AMOTL1: variants seen among roughly 807,000 people sequenced by gnomAD.
AMOTL1 encodes the protein angiomotin like 1.
In AMOTL1, 45 loss-of-function variants were observed where a neutral mutation model predicts 102.9. The ratio of observed to expected loss-of-function variants is 0.44; its 90% CI spans 0.34 to 0.56. The LOEUF is 0.56. AMOTL1 is among the 20% of genes least tolerant of loss of function. AMOTL1 has a pLI of 0.01. For synonymous variants in AMOTL1, 481 were observed against 484.7 expected, an observed-to-expected ratio of 0.99 and a Z score of 0.10; for missense variants, 1,114 against 1,225.6, an observed-to-expected ratio of 0.91 and a Z score of 1.36.
intron 8 of AMOTL1, among the ~76,000 whole-genome samples, chr11:94,858,129 G>A (rs1344081240): frequency 1.3e-5 from 2 of 152,164 alleles, no homozygotes; most frequent in Non-Finnish European, 2.9e-5. Context: ...ATAGATGGCA[G>A]CTTAGTGAAT....
chr11:94,764,765 T>C (rs924611115), upstream of AMOTL1, among the ~76,000 whole-genome samples: 5 of 152,192 alleles, frequency 3.3e-5, no homozygotes, highest in African/African-American at 4.8e-5. Flanking sequence ...TTTAATAGAG[T>C]ATTTAAATTC....
rs760828820 is a variant in AMOTL1 at position 94,743,651 on chromosome 11, C to CTT, written c.136+2687_136+2688dup. Among the ~76,000 whole-genome samples, 185 of 98,156 alleles carry CTT rather than the reference C, an allele frequency of 1.9e-3. 12 individuals are homozygous for CTT. Among genetic ancestry groups the CTT allele is most frequent in the African/African-American group, 8.2e-3 (174 of 21,096 alleles). The allele number at this position is 98,156 out of a possible 152,430, so 64.4% of individuals were successfully genotyped here. On this transcript the variant is annotated intron_variant, in intron 3 of 4. Coordinates refer to the AMOTL1 transcript ENST00000299004. ...AATTATTTCTCTACTCACAATACTT[C>CTT]TTTTTTTTTTTTTTTTTTTTTTTTT...
At position 94,866,377 on chromosome 11, in the gene AMOTL1, A is replaced by C. The variant is rs1952883232; in HGVS notation, c.2488+209A>C. The C allele has an allele frequency of 2.0e-5, 12 of 594,852 alleles. No individual in the cohort carries two copies. In the South Asian group the frequency reaches 2.4e-4, roughly 12 times the overall value. The allele number at this position is 594,852 out of a possible 1,614,324, so 36.8% of individuals were successfully genotyped here. A position where few individuals can be genotyped will look rare whatever the true frequency, so the allele number is the denominator to read the frequency against. Reference sequence around the variant, plus strand: ...AGACTGCACCACTGGAGTAGCTCTTAGCCATGGGTTGACTCAGATCAGAAT... The same window carrying C: ...AGACTGCACCACTGGAGTAGCTCTTCGCCATGGGTTGACTCAGATCAGAAT... On this transcript the variant is annotated intron_variant, in intron 11 of 12. Coordinates refer to ENST00000433060, the MANE Select transcript of AMOTL1 (RefSeq NM_130847.3).
rs1282331240 is a variant in AMOTL1, at chr11:94,873,353, C to T, written c.*2558C>T. The T allele has an allele frequency of 1.3e-5, 2 of 152,298 alleles. No homozygotes were observed. The highest frequency in any genetic ancestry group is 3.4e-3 in the Middle Eastern group (1 of 294). The allele number at this position is 152,298 out of a possible 1,614,324, so 9.4% of individuals were successfully genotyped here. A position where few individuals can be genotyped will look rare whatever the true frequency, so the allele number is the denominator to read the frequency against. On this transcript the variant is annotated 3_prime_UTR_variant, in exon 13 of 13. Coordinates refer to ENST00000433060, the MANE Select transcript of AMOTL1 (RefSeq NM_130847.3). ...AATGTCTTCTTCTATGGGAAATTTC[C>T]TGCCAAGCCAGGGCACTAAATTCTT...
chr11:94,721,215 T>C (rs1033654980), intron 1 of AMOTL1, among the ~76,000 whole-genome samples: 3 of 152,146 alleles, frequency 2.0e-5, no homozygotes, highest in Admixed American at 2.0e-4. Flanking sequence ...AGTGGACATG[T>C]GGCATAAGTG....
chr11:94,849,980 G>A lies in AMOTL1; in HGVS notation c.1649-134G>A, dbSNP rs571063959. On this transcript the variant is annotated intron_variant, in intron 6 of 12. Coordinates refer to ENST00000433060, the MANE Select transcript of AMOTL1 (RefSeq NM_130847.3). ...TCCATACCACCACTATGAAAAGGGA[G>A]CAGAAACAGCAATTCAGTCCTCCAT... 8 of 1,121,910 alleles carry A rather than the reference G, an allele frequency of 7.1e-6. No homozygotes were observed. The Admixed American group carries it at 1.7e-4, about 24-fold the overall frequency. The allele number at this position is 1,121,910 out of a possible 1,614,324, so 69.5% of individuals were successfully genotyped here.
At chr11:94,863,083 A>G (rs1952805142) in intron 9 of AMOTL1, among the ~76,000 whole-genome samples, 1 of 152,144 alleles carries the variant, frequency 6.6e-6, no homozygotes, top group Non-Finnish European at 1.5e-5. Context: ...CTAACTGAGT[A>G]TTCTTGGAAA....
At chr11:94,730,288 G>A (rs1374083031) in intron 2 of AMOTL1, among the ~76,000 whole-genome samples, 2 of 152,018 alleles carry the variant, frequency 1.3e-5, no homozygotes, top group African/African-American at 4.8e-5. Context: ...CCTCTTCCTG[G>A]ATCCCTGAAT....
Position 94,831,536 on chromosome 11 carries a change from C to T in AMOTL1, c.1643C>T (p.Ser548Phe). The change falls in exon 6 of 13, where the codon TCC (serine) becomes TTC (phenylalanine). Residue 548 changes from serine (S) to phenylalanine (F), a missense_variant. Physicochemically the swap from Ser to Phe is radical, Grantham distance 155. Coordinates refer to ENST00000433060, the MANE Select transcript of AMOTL1 (RefSeq NM_130847.3). ...EDKAAEGHYA[S>F]QNKEFLKEKE... ...AAAGCTGCAGAGGGGCATTATGCTT[C>T]CCAGAGTGAGTCTCCACTTATTTAT... 5.0e-6 allele frequency: 8 copies of T among 1,613,044 alleles called. No homozygotes were observed. The highest frequency in any genetic ancestry group is 5.9e-6 in the Non-Finnish European group (7 of 1,179,340).
intron 4 of AMOTL1, among the ~76,000 whole-genome samples, chr11:94,822,165 A>G (rs948291212): frequency 1.3e-5 from 2 of 152,146 alleles, no homozygotes; most frequent in Non-Finnish European, 2.9e-5. Flanking sequence ...AACACGGAGG[A>G]GGCCATGCGC....
chr11:94,859,860 G>A (rs1444632158), intron 9 of AMOTL1, 145 bp downstream of exon 9: 4 of 855,414 alleles, frequency 4.7e-6, no homozygotes, highest in Non-Finnish European at 6.6e-6. Flanking sequence ...AGTGCTAGTT[G>A]GAGAGCAAAG....
At chr11:94,827,784 C>G (rs1951993585) in intron 4 of AMOTL1, among the ~76,000 whole-genome samples, 1 of 152,216 alleles carries the variant, frequency 6.6e-6, no homozygotes, top group South Asian at 2.1e-4. Flanking sequence ...TCATCAGCCT[C>G]TTCTCAGCCA....
At chr11:94,762,986 C>T (rs150416456) in intron 3 of AMOTL1, among the ~76,000 whole-genome samples, 2 of 152,206 alleles carry the variant, frequency 1.3e-5, no homozygotes, top group African/African-American at 4.8e-5. Flanking sequence ...GCCTGGTCCT[C>T]AGTAGGTACT....
intron 9 of AMOTL1, among the ~76,000 whole-genome samples, chr11:94,861,301 T>G (rs1050258037): frequency 1.3e-5 from 2 of 152,148 alleles, no homozygotes; most frequent in African/African-American, 4.8e-5. Context: ...TTTTGAAACA[T>G]TGGTTGATTT....
rs150755341 is a variant in AMOTL1 at position 94,792,780 on chromosome 11, C to T, written c.50-2231C>T. Among the ~76,000 whole-genome samples the T allele has an allele frequency of 2.8e-3, 430 of 152,232 alleles. 5 individuals carry two copies. The highest frequency in any genetic ancestry group is 9.7e-3 in the African/African-American group (401 of 41,532). On this transcript the variant is annotated intron_variant, in intron 1 of 12. Transcript: ENST00000433060. ...GGTGTGTGTGGGGGTGTGTGAAATG[C>T]TTTAGTTCTTTCATGACACTGAGGA...
intron 3 of AMOTL1, among the ~76,000 whole-genome samples, chr11:94,751,564 A>G (rs1203481712): frequency 6.6e-6 from 1 of 152,058 alleles, no homozygotes; most frequent in Non-Finnish European, 1.5e-5. Flanking sequence ...CTCCCCTAAT[A>G]TTGGTTTGCA....
At position 94,875,137 on chromosome 11, in the gene AMOTL1, T is replaced by C. The variant is rs965110243; in HGVS notation, c.*4342T>C. On this transcript the variant is annotated 3_prime_UTR_variant, in exon 13 of 13. Coordinates refer to ENST00000433060, the MANE Select transcript of AMOTL1 (RefSeq NM_130847.3). Reference sequence around the variant, plus strand: ...GTTTCTTTTCTTGTTGTTTAAGTAATTAAAGTGTTTAAAATGTCTTCATTA... The same window carrying C: ...GTTTCTTTTCTTGTTGTTTAAGTAACTAAAGTGTTTAAAATGTCTTCATTA... 6.6e-6 allele frequency: 1 copy of C among 152,222 alleles called. No individual in the cohort carries two copies. The highest frequency in any genetic ancestry group is 2.4e-5 in the African/African-American group (1 of 41,458). The allele number at this position is 152,222 out of a possible 1,614,324, so 9.4% of individuals were successfully genotyped here. A position where few individuals can be genotyped will look rare whatever the true frequency, so the allele number is the denominator to read the frequency against.
At chr11:94,772,399 T>G (rs1950965963) in intron 1 of AMOTL1, among the ~76,000 whole-genome samples, 1 of 152,238 alleles carries the variant, frequency 6.6e-6, no homozygotes, top group Non-Finnish European at 1.5e-5. Flanking sequence ...TGCTAAATGC[T>G]TAGCAACCAC....
intron 6 of AMOTL1, among the ~76,000 whole-genome samples, chr11:94,846,246 C>T (rs1952408670): frequency 6.6e-6 from 1 of 152,220 alleles, no homozygotes. Flanking sequence ...AGCACCTTGT[C>T]ACATTGCCTT....
Sources: gnomAD v4.1 joint callset for allele counts (sites outside exome capture counted in the v4.1 genomes callset) on GRCh38, gnomAD v4.1.1 for gene constraint, MANE v1.5 for transcripts, NCBI Gene and HGNC (gene_info 2026-07-23, HGNC 2026-07-21) for gene names.